The following DSCAM variants were observed in gnomAD, a reference collection of about 807,000 sequenced individuals.
The protein encoded by DSCAM is cell adhesion molecule DSCAM.
Under a neutral mutation model 217.7 loss-of-function variants are expected in DSCAM, and 47 were observed. The observed-to-expected ratio is 0.22, with a 90% CI of 0.17 to 0.28. The LOEUF (loss-of-function observed/expected upper bound fraction) is 0.28. Ranked by LOEUF, DSCAM falls within the 10% of genes least tolerant of loss-of-function variation. The pLI, the probability that DSCAM is intolerant of heterozygous loss-of-function variation, is 1.00. For synonymous variants in DSCAM, 1,056 were observed against 1,015.3 expected (o/e 1.04, Z -0.76); for missense variants, 2,080 against 2,618.3 (o/e 0.79, Z 4.49).
chr21:40,748,129 G>A lies in DSCAM; in HGVS notation c.44-39358C>T, dbSNP rs1390574278. ...ACATCATACTGAGCAGGAAACAGTT[G>A]AAAACTTCATTTCTAAGATGTAGAA... On this transcript the variant is annotated intron_variant, in intron 1 of 32. Transcript: ENST00000400454. 2.6e-5 allele frequency among the ~76,000 whole-genome samples: 4 copies of A among 151,840 alleles called. No homozygotes were observed. The East Asian group carries it at 7.7e-4, about 29-fold the overall frequency.
chr21:40,538,223 C>A lies in DSCAM; in HGVS notation c.508+154587G>T, dbSNP rs113715106. On this transcript the variant is annotated intron_variant, in intron 3 of 32. Coordinates refer to ENST00000400454, the MANE Select transcript of DSCAM (RefSeq NM_001389.5). ...TCCACTCAGAGGTCACGTGTTTGAT[C>A]AAGAGATGGGGTGTTAGTGCTCCTT... Among the ~76,000 whole-genome samples the A allele has an allele frequency of 3.9e-3, 601 of 152,202 alleles. 1 individual carries two copies. Among genetic ancestry groups the A allele is most frequent in the African/African-American group, 0.013 (538 of 41,520 alleles).
chr21:40,606,631 C>T (rs1287705530), intron 3 of DSCAM, among the ~76,000 whole-genome samples: 1 of 152,190 alleles, frequency 6.6e-6, no homozygotes, highest in Non-Finnish European at 1.5e-5. Context: ...AGCCAGGAGA[C>T]AGCAGAGTGT....
intron 16 of DSCAM, among the ~76,000 whole-genome samples, chr21:40,161,885 T>C (rs955788018): frequency 6.6e-6 from 1 of 152,310 alleles, no homozygotes; most frequent in Non-Finnish European, 1.5e-5. Flanking sequence ...GGCAACCTTT[T>C]TGAATTTCAG....
At chr21:40,723,966 C>T (rs1038855666) in intron 1 of DSCAM, among the ~76,000 whole-genome samples, 8 of 152,154 alleles carry the variant, frequency 5.3e-5, no homozygotes, top group African/African-American at 1.9e-4. Flanking sequence ...GTGTTTTACC[C>T]AGAAAATGTC....
chr21:40,200,329 C>A (rs1272200746), intron 11 of DSCAM, among the ~76,000 whole-genome samples: 1 of 152,218 alleles, frequency 6.6e-6, no homozygotes, highest in Non-Finnish European at 1.5e-5. Context: ...CAGGCCCTGG[C>A]AGTCACCATT....
intron 1 of DSCAM, among the ~76,000 whole-genome samples, chr21:40,785,972 C>G (rs1324873932): frequency 6.6e-6 from 1 of 152,212 alleles, no homozygotes; most frequent in Non-Finnish European, 1.5e-5. Flanking sequence ...CACAGTGGCT[C>G]ATGCCTGTAA....
intron 3 of DSCAM, among the ~76,000 whole-genome samples, chr21:40,456,617 C>T (rs529671271): frequency 5.3e-5 from 8 of 151,838 alleles, no homozygotes; most frequent in South Asian, 2.1e-4. Flanking sequence ...AAGGTAAAGT[C>T]GATTGCTATC....
intron 1 of DSCAM, among the ~76,000 whole-genome samples, chr21:40,721,833 A>G (rs2090903677): frequency 1.3e-5 from 2 of 152,148 alleles, no homozygotes; most frequent in Admixed American, 1.3e-4. Context: ...CAAACACCAA[A>G]CAGAAGCATG....
chr21:40,559,479 A>T, intron 3 of DSCAM, among the ~76,000 whole-genome samples: 1 of 150,832 alleles, frequency 6.6e-6, no homozygotes, highest in African/African-American at 2.4e-5. Flanking sequence ...AAAAAAAAGT[A>T]CAAGTAAAGA....
At chr21:40,058,894 G>A (rs1029136262) in intron 28 of DSCAM, among the ~76,000 whole-genome samples, 2 of 152,156 alleles carry the variant, frequency 1.3e-5, no homozygotes, top group African/African-American at 4.8e-5. Context: ...CATGGCATAG[G>A]ATCATGCTAA....
intron 28 of DSCAM, among the ~76,000 whole-genome samples, chr21:40,056,405 A>G (rs1007697872): frequency 1.3e-5 from 2 of 152,248 alleles, no homozygotes; most frequent in Non-Finnish European, 2.9e-5. Context: ...TAGAATGGAA[A>G]AAAAGCAATT....
At chr21:40,313,030 T>A (rs1255518657) in intron 8 of DSCAM, among the ~76,000 whole-genome samples, 1 of 149,738 alleles carries the variant, frequency 6.7e-6, no homozygotes, top group Non-Finnish European at 1.5e-5. Context: ...GGCGGGAGGA[T>A]CCCTTGAGCC....
chr21:40,013,427 G>A, intron 32 of DSCAM, 41 bp from the exon 33 acceptor site: 1 of 1,413,470 alleles, frequency 7.1e-7, no homozygotes, highest in Non-Finnish European at 9.5e-7. Context: ...GTCTTCATTT[G>A]GTAAACATGG....
chr21:40,480,112 A>G (rs2075969793), intron 3 of DSCAM, among the ~76,000 whole-genome samples: 1 of 152,230 alleles, frequency 6.6e-6, no homozygotes, highest in African/African-American at 2.4e-5. Context: ...AACGCCAGAA[A>G]TGAGGCAGAG....
intron 1 of DSCAM, among the ~76,000 whole-genome samples, chr21:40,800,014 C>T (rs531801198): frequency 5.9e-5 from 9 of 152,152 alleles, no homozygotes; most frequent in East Asian, 1.9e-4. Flanking sequence ...AATAGATTAA[C>T]GAGTCAGTGG....
intron 1 of DSCAM, among the ~76,000 whole-genome samples, chr21:40,830,952 T>G (rs1041089926): frequency 1.3e-5 from 2 of 152,186 alleles, no homozygotes; most frequent in African/African-American, 4.8e-5. Context: ...TGGCCAAGGT[T>G]TGTGAGGTGG....
intron 3 of DSCAM, among the ~76,000 whole-genome samples, chr21:40,499,850 G>A (rs888043662): frequency 6.6e-5 from 10 of 151,938 alleles, no homozygotes; most frequent in South Asian, 6.2e-4. Flanking sequence ...ATGCGATCTC[G>A]GCTCACTGCA....
intron 3 of DSCAM, among the ~76,000 whole-genome samples, chr21:40,613,578 C>A (rs978913374): frequency 6.6e-6 from 1 of 151,988 alleles, no homozygotes; most frequent in South Asian, 2.1e-4. Context: ...AATTAATTGC[C>A]ACTGCATTAA....
At chr21:40,326,151 G>A (rs2074314612) in intron 8 of DSCAM, among the ~76,000 whole-genome samples, 1 of 152,160 alleles carries the variant, frequency 6.6e-6, no homozygotes, top group Admixed American at 6.5e-5. Flanking sequence ...TTGAAAAAAG[G>A]GGGGACAAGT....
Sources: gnomAD v4.1 joint callset for allele counts (sites outside exome capture counted in the v4.1 genomes callset) on GRCh38, gnomAD v4.1.1 for gene constraint, MANE v1.5 for transcripts, NCBI Gene and HGNC (gene_info 2026-07-23, HGNC 2026-07-21) for gene names.